The following RAPGEF5 variants were observed in gnomAD, a reference collection of about 807,000 sequenced individuals.
RAPGEF5 encodes Rap guanine nucleotide exchange factor 5, also known as M-Ras-regulated GEF.
In RAPGEF5, 65 loss-of-function variants were observed where a neutral mutation model predicts 125.2. The observed-to-expected ratio is 0.52, with a 90% CI of 0.43 to 0.64. RAPGEF5 has a LOEUF of 0.64. RAPGEF5 is among the 30% of genes least tolerant of loss of function. RAPGEF5 has a pLI of 0.00. For missense variants in RAPGEF5, 958 were observed against 1,048.1 expected (o/e 0.91, Z 1.19); for synonymous variants, 391 against 385.9 (o/e 1.01, Z -0.16).
chr7:22,135,536 C>T (rs1317558809), intron 23 of RAPGEF5, among the ~76,000 whole-genome samples: 1 of 152,168 alleles, frequency 6.6e-6, no homozygotes, highest in African/African-American at 2.4e-5. Flanking sequence ...AACTCAATTC[C>T]ACTCCTGAAG....
chr7:22,238,004 CA>C lies in RAPGEF5; in HGVS notation c.797-7086del, dbSNP rs1786236006. Among the ~76,000 whole-genome samples, 5 of 152,220 alleles carry C rather than the reference CA, an allele frequency of 3.3e-5. No homozygotes were observed. In the South Asian group the frequency reaches 1.0e-3, roughly 32 times the overall value. On this transcript the variant is annotated intron_variant, in intron 7 of 25. Coordinates refer to ENST00000665637, the MANE Select transcript of RAPGEF5 (RefSeq NM_012294.5). ...GGTAAATGAGAAAAGGGGAGAAATG[CA>C]GTCGAGAGCTGGCATAAACAAACGT...
chr7:22,178,185 A>G (rs928005745), intron 11 of RAPGEF5, among the ~76,000 whole-genome samples: 1 of 152,220 alleles, frequency 6.6e-6, no homozygotes, highest in Non-Finnish European at 1.5e-5. Flanking sequence ...ACACATATTT[A>G]TATTTTTTAA....
At chr7:22,164,397 C>A (rs557958381) in intron 12 of RAPGEF5, among the ~76,000 whole-genome samples, 1 of 63,706 alleles carries the variant, frequency 1.6e-5, no homozygotes, top group South Asian at 7.9e-4. Context: ...GAATATAATA[C>A]CTTCACTAAT....
intron 9 of RAPGEF5, among the ~76,000 whole-genome samples, chr7:22,206,895 A>G (rs1270453817): frequency 2.0e-5 from 3 of 152,182 alleles, no homozygotes; most frequent in African/African-American, 7.2e-5. Flanking sequence ...ATATGCAACA[A>G]ATATGACAAA....
chr7:22,317,954 C>A, intron 2 of RAPGEF5, 33 bp downstream of exon 2: 1 of 1,544,888 alleles, frequency 6.5e-7, no homozygotes, highest in Non-Finnish European at 8.7e-7. Flanking sequence ...ATCACTATTT[C>A]AGAAAAGGCA....
At chr7:22,267,714 G>T (rs1016321946) in intron 6 of RAPGEF5, among the ~76,000 whole-genome samples, 5 of 152,052 alleles carry the variant, frequency 3.3e-5, no homozygotes, top group African/African-American at 1.2e-4. Flanking sequence ...AGCAGAACAC[G>T]AAACAGTGAC....
At chr7:22,168,254 T>C (rs1784235050) in intron 11 of RAPGEF5, among the ~76,000 whole-genome samples, 1 of 152,146 alleles carries the variant, frequency 6.6e-6, no homozygotes, top group African/African-American at 2.4e-5. Context: ...CCCTCATGAA[T>C]GGCATTGCTA....
At chr7:22,212,219 C>T (rs963934209) in intron 9 of RAPGEF5, among the ~76,000 whole-genome samples, 15 of 152,120 alleles carry the variant, frequency 9.9e-5, no homozygotes, top group Non-Finnish European at 1.9e-4. Context: ...GTAATCCACC[C>T]GCCTTGGCCT....
Position 22,122,499 on chromosome 7 carries a change from A to T in RAPGEF5, c.2559T>A (p.His853Gln), listed in dbSNP as rs766876273. Residue 853 changes from histidine (H) to glutamine (Q), a missense_variant, in exon 26 of 26, where the codon CAT (histidine) becomes CAA (glutamine). Coordinates refer to ENST00000665637, the MANE Select transcript of RAPGEF5 (RefSeq NM_012294.5). ...NQFGDLSPKE[H>Q]QELKSYVNHL... is the part of the protein sequence containing the mutation. ...GATTAACATAGGACTTTAACTCTTG[A>T]TGCTCTTTTGGAGACAGGTCACCTG... 3 of 1,613,548 alleles carry T rather than the reference A, an allele frequency of 1.9e-6. No homozygotes were observed. In the African/African-American group the frequency reaches 4.0e-5, roughly 22 times the overall value.
At chr7:22,137,107 A>T in intron 21 of RAPGEF5, 124 bp from the exon 22 acceptor site, 2 of 698,862 alleles carry the variant, frequency 2.9e-6, no homozygotes, top group South Asian at 1.8e-5. Context: ...TACCTCTATC[A>T]TCTGTTCAAT....
intron 6 of RAPGEF5, among the ~76,000 whole-genome samples, chr7:22,284,636 G>GGTAACAAGAT (rs1440905667): frequency 5.3e-5 from 8 of 152,140 alleles, no homozygotes; most frequent in African/African-American, 1.9e-4. Context: ...AGAAATAAAA[G>GGTAACAAGAT]GTAACAAGAT....
At chr7:22,190,954 G>T (rs76607956) in intron 11 of RAPGEF5, among the ~76,000 whole-genome samples, 2 of 152,046 alleles carry the variant, frequency 1.3e-5, no homozygotes, top group African/African-American at 4.8e-5. Context: ...TAAAAGGGGC[G>T]CTCAAGAACA....
At chr7:22,308,277 C>T (rs751357883) in intron 5 of RAPGEF5, 62 bp downstream of exon 5, 4 of 1,453,082 alleles carry the variant, frequency 2.8e-6, no homozygotes, top group Admixed American at 4.7e-5. Flanking sequence ...AATATAGTCC[C>T]TAGACATGGT....
At chr7:22,306,231 A>G (rs926951127) in intron 5 of RAPGEF5, among the ~76,000 whole-genome samples, 3 of 152,162 alleles carry the variant, frequency 2.0e-5, no homozygotes, top group Non-Finnish European at 4.4e-5. Flanking sequence ...TCTTTTGAAC[A>G]TAAGCCATTG....
At chr7:22,285,312 G>A (rs1782771041) in intron 6 of RAPGEF5, among the ~76,000 whole-genome samples, 1 of 152,092 alleles carries the variant, frequency 6.6e-6, no homozygotes. Flanking sequence ...TCATGGTCAG[G>A]ACCATCTGTA....
chr7:22,118,935 C>G lies in RAPGEF5; in HGVS notation c.*3471G>C, dbSNP rs1378397254. 1 of 143,944 alleles carries G rather than the reference C, an allele frequency of 6.9e-6. No individual in the cohort carries two copies. Among genetic ancestry groups the G allele is most frequent in the Non-Finnish European group, 1.5e-5 (1 of 66,492 alleles). 8.9% of individuals were successfully genotyped at this position (143,944 alleles called of 1,614,324 possible). A position where few individuals can be genotyped will look rare whatever the true frequency, so the allele number is the denominator to read the frequency against. On this transcript the variant is annotated 3_prime_UTR_variant, in exon 26 of 26. Transcript: ENST00000665637. ...CAGTTTTAAGCAAAACTGGCCCACT[C>G]GCTAAGAAGCAGGCTGAAATTTTAA...
Position 22,241,911 on chromosome 7 carries a change from T to C in RAPGEF5, c.797-10992A>G, listed in dbSNP as rs555978652. 2.0e-5 allele frequency among the ~76,000 whole-genome samples: 3 copies of C among 152,266 alleles called. No individual in the cohort carries two copies. In the South Asian group the frequency reaches 6.2e-4, roughly 32 times the overall value. ...AGAGATTCTGTTACCTTTCTTTGCA[T>C]ATCATGAACCAACTCTTTAAGTCCC... On this transcript the variant is annotated intron_variant, in intron 7 of 25. Transcript: ENST00000665637.
intron 11 of RAPGEF5, among the ~76,000 whole-genome samples, chr7:22,180,645 G>T (rs1020387208): frequency 4.6e-5 from 7 of 152,152 alleles, no homozygotes; most frequent in African/African-American, 1.7e-4. Flanking sequence ...ATATGCAGCT[G>T]TGCCTACTCA....
chr7:22,126,081 C>T (rs1003202326), intron 24 of RAPGEF5, among the ~76,000 whole-genome samples: 6 of 152,026 alleles, frequency 3.9e-5, no homozygotes, highest in Admixed American at 3.9e-4. Context: ...ACCTGGGAGG[C>T]GGAGGTGCAG....
Sources: allele counts gnomAD v4.1 joint callset (sites outside exome capture counted in the v4.1 genomes callset), GRCh38; gene constraint gnomAD v4.1.1; transcripts MANE v1.5; gene names NCBI Gene and HGNC (gene_info 2026-07-23, HGNC 2026-07-21).